The following EPHB1 variants were observed in gnomAD, a reference collection of about 807,000 sequenced individuals.
EPHB1 encodes EPH receptor B1, also known as ephrin type-B receptor 1.
EPHB1 carries 30 observed loss-of-function variants against 94.4 expected under a neutral mutation model. The observed-to-expected ratio is 0.32, with a 90% CI of 0.24 to 0.43. EPHB1 has a LOEUF of 0.43. Among genes scored for constraint, EPHB1 ranks in the 20% least tolerant of loss-of-function variants. EPHB1 has a pLI of 1.00. For synonymous variants in EPHB1, 522 were observed against 489.1 expected (o/e 1.07, Z -0.89); for missense variants, 1,055 against 1,308.3 (o/e 0.81, Z 2.99).
chr3:135,139,600 C>T (rs1369501100), intron 5 of EPHB1, among the ~76,000 whole-genome samples: 1 of 152,148 alleles, frequency 6.6e-6, no homozygotes, highest in Non-Finnish European at 1.5e-5. Flanking sequence ...GCATTCTAGT[C>T]GACAGCACTC....
At position 135,259,276 on chromosome 3, in the gene EPHB1, C is replaced by A; in HGVS notation, c.*156C>A. ...ATCAACCGGACCTGTTGCTAGCAGG[C>A]AATCTCCATTTCTCAGTGACAGAAG... On this transcript the variant is annotated 3_prime_UTR_variant, in exon 16 of 16. Coordinates refer to ENST00000398015, the MANE Select transcript of EPHB1 (RefSeq NM_004441.5). 1 of 549,394 alleles carries A rather than the reference C, an allele frequency of 1.8e-6. No individual in the cohort carries two copies. The highest frequency in any genetic ancestry group is 3.2e-6 in the Non-Finnish European group (1 of 313,636). The allele number at this position is 549,394 out of a possible 1,614,324, so 34.0% of individuals were successfully genotyped here.
intron 3 of EPHB1, among the ~76,000 whole-genome samples, chr3:134,976,423 A>C (rs1286335951): frequency 6.6e-6 from 1 of 152,232 alleles, no homozygotes; most frequent in Non-Finnish European, 1.5e-5. Context: ...AAGGTGATCA[A>C]ACCACACTGA....
intron 3 of EPHB1, among the ~76,000 whole-genome samples, chr3:134,995,187 A>G (rs1329248151): frequency 6.6e-6 from 1 of 152,164 alleles, no homozygotes; most frequent in Non-Finnish European, 1.5e-5. Flanking sequence ...CTTGATCTCT[A>G]TAATTTTGTC....
At chr3:135,001,828 G>T (rs1935193510) in intron 3 of EPHB1, among the ~76,000 whole-genome samples, 2 of 152,102 alleles carry the variant, frequency 1.3e-5, no homozygotes, top group Non-Finnish European at 2.9e-5. Context: ...GAGTTGCATA[G>T]TATCCTCATG....
At chr3:134,986,974 G>A (rs1049770959) in intron 3 of EPHB1, among the ~76,000 whole-genome samples, 2 of 152,086 alleles carry the variant, frequency 1.3e-5, no homozygotes, top group Admixed American at 1.3e-4. Context: ...TCAGATCTGA[G>A]TATGAAAACA....
intron 1 of EPHB1, among the ~76,000 whole-genome samples, chr3:134,913,556 A>G (rs2038500974): frequency 6.6e-6 from 1 of 152,216 alleles, no homozygotes; most frequent in African/African-American, 2.4e-5. Context: ...ATGCGAGGAA[A>G]GACTATAGTC....
At chr3:135,184,174 T>C in intron 10 of EPHB1, among the ~76,000 whole-genome samples, 1 of 152,112 alleles carries the variant, frequency 6.6e-6, no homozygotes, top group East Asian at 1.9e-4. Context: ...TGGGGAGTCA[T>C]AGCATGGAGG....
At chr3:134,936,829 G>A (rs2039012859) in intron 2 of EPHB1, among the ~76,000 whole-genome samples, 1 of 152,222 alleles carries the variant, frequency 6.6e-6, no homozygotes, top group Non-Finnish European at 1.5e-5. Flanking sequence ...GTCTGTGTTT[G>A]CCTTTAGGTG....
rs114662601 is a variant in EPHB1 at position 135,129,272 on chromosome 3, G to A, written c.962-3442G>A. On this transcript the variant is annotated intron_variant, in intron 4 of 15. Coordinates refer to ENST00000398015, the MANE Select transcript of EPHB1 (RefSeq NM_004441.5). ...AGCTGGGAGTAAATGAACAGACATG[G>A]AGCAGCATCGACAAGGGTGGGTCTT... is the stretch of plus-strand genomic sequence containing the variant. 4.9e-3 allele frequency among the ~76,000 whole-genome samples: 749 copies of A among 152,202 alleles called. 9 individuals are homozygous for A. Among genetic ancestry groups the A allele is most frequent in the African/African-American group, 0.017 (711 of 41,516 alleles).
At position 135,082,373 on chromosome 3, in the gene EPHB1, C is replaced by A. The variant is rs925237543; in HGVS notation, c.806-24075C>A. 2.0e-5 allele frequency among the ~76,000 whole-genome samples: 3 copies of A among 152,150 alleles called. No individual in the cohort carries two copies. The South Asian group carries it at 6.2e-4, about 32-fold the overall frequency. On this transcript the variant is annotated intron_variant, in intron 3 of 15. Transcript: ENST00000398015. ...GACCAAATGATGATGACGATGATAACGATGATGAAGAACTAACTCTTCTGA... is the reference window on the plus strand; with the variant it reads ...GACCAAATGATGATGACGATGATAAAGATGATGAAGAACTAACTCTTCTGA...
chr3:135,201,217 G>A (rs1259234990), intron 11 of EPHB1, among the ~76,000 whole-genome samples: 2 of 151,962 alleles, frequency 1.3e-5, no homozygotes, highest in South Asian at 2.1e-4. Flanking sequence ...TGGTTGGACT[G>A]GCGGCAGTGG....
intron 3 of EPHB1, among the ~76,000 whole-genome samples, chr3:134,983,452 T>C (rs1280972229): frequency 6.6e-6 from 1 of 152,246 alleles, no homozygotes; most frequent in Non-Finnish European, 1.5e-5. Context: ...TGGGGCTCAA[T>C]GCTAATTCTC....
chr3:134,859,972 A>G (rs1407608464), intron 1 of EPHB1, among the ~76,000 whole-genome samples: 1 of 152,158 alleles, frequency 6.6e-6, no homozygotes, highest in Admixed American at 6.5e-5. Context: ...GTGGCTGTAT[A>G]ATATTTAACT....
At chr3:135,162,533 A>G (rs1941537996) in intron 7 of EPHB1, among the ~76,000 whole-genome samples, 1 of 152,112 alleles carries the variant, frequency 6.6e-6, no homozygotes, top group Non-Finnish European at 1.5e-5. Flanking sequence ...CTCTGTGCTT[A>G]TGGTCTGAAA....
At chr3:134,836,522 T>G (rs1440551009) in intron 1 of EPHB1, among the ~76,000 whole-genome samples, 1 of 152,214 alleles carries the variant, frequency 6.6e-6, no homozygotes, top group African/African-American at 2.4e-5. Context: ...TGATATATAC[T>G]TTGGTGAAGT....
rs540678990 is a variant in EPHB1, at chr3:135,104,393, G to A, written c.806-2055G>A. On this transcript the variant is annotated intron_variant, in intron 3 of 15. Coordinates refer to ENST00000398015, the MANE Select transcript of EPHB1 (RefSeq NM_004441.5). The stretch of plus-strand genomic sequence containing the variant: ...GCCATTCAGAGCTTCTCCCTTTCAT[G>A]TTTGATGTGTTAGATCTTTAATAAA... 2.0e-5 allele frequency among the ~76,000 whole-genome samples: 3 copies of A among 152,330 alleles called. No homozygotes were observed. In the South Asian group the frequency reaches 6.2e-4, roughly 32 times the overall value.
At chr3:135,077,583 C>T (rs890215303) in intron 3 of EPHB1, among the ~76,000 whole-genome samples, 6 of 152,144 alleles carry the variant, frequency 3.9e-5, no homozygotes, top group African/African-American at 7.2e-5. Context: ...AGGAGGAAGA[C>T]GTGGTAGAAG....
At chr3:135,241,489 A>T (rs1943781749) in intron 13 of EPHB1, among the ~76,000 whole-genome samples, 192 bp downstream of exon 13, 1 of 152,190 alleles carries the variant, frequency 6.6e-6, no homozygotes, top group Non-Finnish European at 1.5e-5. Flanking sequence ...GAGGTGTGAA[A>T]GGCCCTATAA....
At position 135,201,774 on chromosome 3, in the gene EPHB1, C is replaced by T; in HGVS notation, c.2346+85C>T. The T allele has an allele frequency of 1.2e-5, 16 of 1,333,144 alleles. No homozygotes were observed. In the South Asian group the frequency reaches 2.0e-4, roughly 16 times the overall value. The allele number at this position is 1,333,144 out of a possible 1,614,324, so 82.6% of individuals were successfully genotyped here. A position where few individuals can be genotyped will look rare whatever the true frequency, so the allele number is the denominator to read the frequency against. The stretch of plus-strand genomic sequence containing the variant: ...TGGCTGGGAACTGTGACAGGGCACA[C>T]TGGGAGGGAATGGAACCTGAACTGA... On this transcript the variant is annotated intron_variant, in intron 12 of 15. Transcript: ENST00000398015.
Sources: gnomAD v4.1 joint callset for allele counts (sites outside exome capture counted in the v4.1 genomes callset) on GRCh38, gnomAD v4.1.1 for gene constraint, MANE v1.5 for transcripts, NCBI Gene and HGNC (gene_info 2026-07-23, HGNC 2026-07-21) for gene names.